Variants in PAK5 observed in about 807,000 individuals in gnomAD.
The protein encoded by PAK5 is serine/threonine-protein kinase PAK 5.
Under a neutral mutation model 65.9 loss-of-function variants are expected in PAK5, and 16 were observed. The ratio of observed to expected loss-of-function variants is 0.24; its 90% CI spans 0.16 to 0.37. The LOEUF is 0.37. Ranked by LOEUF, PAK5 falls within the 10% of genes least tolerant of loss-of-function variation. PAK5 has a pLI of 1.00. For synonymous variants in PAK5, 371 were observed against 354.9 expected (o/e 1.05, Z -0.51); for missense variants, 785 against 903.9 (o/e 0.87, Z 1.69).
chr20:9,690,750 C>CTTTCTT lies in PAK5; in HGVS notation c.-12+20535_-12+20536insAAGAAA, dbSNP rs1298213630. Among the ~76,000 whole-genome samples the CTTTCTT allele has an allele frequency of 3.7e-3, 383 of 103,970 alleles. 9 individuals carry two copies. The highest frequency in any genetic ancestry group is 0.014 in the African/African-American group (369 of 25,848). The allele number at this position is 103,970 out of a possible 152,430, so 68.2% of individuals were successfully genotyped here. ...TCAGCATTTCTTTCTTTCTTTCTTT[C>CTTTCTT]TTTTTTTTTTTTTTTTTTTTTGAGA... On this transcript the variant is annotated intron_variant, in intron 2 of 9. Coordinates refer to ENST00000353224, the MANE Select transcript of PAK5 (RefSeq NM_177990.4).
intron 1 of PAK5, among the ~76,000 whole-genome samples, chr20:9,735,892 G>A (rs2048383271): frequency 6.9e-6 from 1 of 145,622 alleles, no homozygotes; most frequent in African/African-American, 2.7e-5. Flanking sequence ...CATAGCAATA[G>A]AAACAATCTA....
intron 2 of PAK5, among the ~76,000 whole-genome samples, chr20:9,674,979 G>C (rs1031527269): frequency 2.0e-5 from 3 of 152,180 alleles, no homozygotes; most frequent in African/African-American, 2.4e-5. Flanking sequence ...ACAGCAGCTG[G>C]GGTGGCCCAA....
In PAK5 at chr20:9,539,531, A is replaced by T. The variant is rs749456245; in HGVS notation, c.2091T>A (p.His697Gln). Residue 697 changes from histidine to glutamine, a missense_variant, in exon 10 of 10, where the codon CAT (histidine) becomes CAA (glutamine). This residue lies in a region of PAK5 where 110 missense variants were observed against 107.4 expected (regional missense o/e 1.02). Transcript: ENST00000353224. ...GTGGACCTGCTAGTTTTAAGAATGG[A>T]TGTCCGAGGAGTTCCTGGGCTGTTG... is the stretch of plus-strand genomic sequence containing the variant. ...QRATAQELLG[H>Q]PFLKLAGPPS... The T allele has an allele frequency of 3.7e-6, 6 of 1,613,774 alleles. No individual in the cohort carries two copies. The African/African-American group carries it at 8.0e-5, about 22-fold the overall frequency.
chr20:9,730,806 C>A (rs988762476), intron 1 of PAK5, among the ~76,000 whole-genome samples: 5 of 152,206 alleles, frequency 3.3e-5, no homozygotes, highest in Middle Eastern at 3.2e-3. Context: ...TGCTGGTTTG[C>A]TGTGCTAACC....
chr20:9,801,974 G>A (rs926392036), intron 1 of PAK5, among the ~76,000 whole-genome samples: 3 of 152,158 alleles, frequency 2.0e-5, no homozygotes, highest in African/African-American at 7.2e-5. Flanking sequence ...GCTTTATGGT[G>A]CTGGCCACCA....
rs564630923 is a variant in PAK5 at position 9,542,684 on chromosome 20, T to C, written c.1906A>G (p.Met636Val). ...AAGTAGGGGGGCTCGCCATCAATCATTTCTATCACCATGATCCCGAGGGAC... is the reference window on the plus strand; with the variant it reads ...AAGTAGGGGGGCTCGCCATCAATCACTTCTATCACCATGATCCCGAGGGAC... ...IWSLGIMVIE[M>V]IDGEPPYFNE... Residue 636 changes from methionine to valine, a missense_variant, in exon 9 of 10, where the codon ATG (methionine) becomes GTG (valine). This residue lies in a region of PAK5 where 182 missense variants were observed against 273.0 expected (regional missense o/e 0.67). Transcript: ENST00000353224. 5.0e-6 allele frequency: 8 copies of C among 1,614,060 alleles called. 1 individual carries two copies. In the East Asian group the frequency reaches 1.3e-4, roughly 27 times the overall value.
intron 7 of PAK5, among the ~76,000 whole-genome samples, chr20:9,553,111 C>T (rs1243157793): frequency 6.6e-6 from 1 of 152,106 alleles, no homozygotes; most frequent in African/African-American, 2.4e-5. Context: ...TCTTACACGG[C>T]TACAGTACAA....
At chr20:9,582,568 C>T (rs901139001) in intron 3 of PAK5, among the ~76,000 whole-genome samples, 1 of 152,150 alleles carries the variant, frequency 6.6e-6, no homozygotes, top group Non-Finnish European at 1.5e-5. Flanking sequence ...GTTTCTTATA[C>T]ACACAGTCAC....
At chr20:9,792,425 GAGCCA>G (rs1168447010) in intron 1 of PAK5, among the ~76,000 whole-genome samples, 1 of 152,102 alleles carries the variant, frequency 6.6e-6, no homozygotes, top group Non-Finnish European at 1.5e-5. Flanking sequence ...ACAGAGCCAA[GAGCCA>G]AGTGCTTTTC....
In PAK5 at chr20:9,538,231, G is replaced by A. The variant is rs1049129813; in HGVS notation, c.*1231C>T. The A allele has an allele frequency of 4.7e-5, 11 of 233,378 alleles. No individual in the cohort carries two copies. Among genetic ancestry groups the A allele is most frequent in the Non-Finnish European group, 6.8e-5 (8 of 117,976 alleles). 14.5% of individuals were successfully genotyped at this position (233,378 alleles called of 1,614,324 possible). A position where few individuals can be genotyped will look rare whatever the true frequency, so the allele number is the denominator to read the frequency against. ...GACAGCAGCACGACTCTCCTATGTC[G>A]GAAACACATTATAACATGGGCACAA... On this transcript the variant is annotated 3_prime_UTR_variant, in exon 10 of 10. Coordinates refer to ENST00000353224, the MANE Select transcript of PAK5 (RefSeq NM_177990.4).
chr20:9,665,268 G>A (rs2047401517), intron 2 of PAK5, among the ~76,000 whole-genome samples: 1 of 151,756 alleles, frequency 6.6e-6, no homozygotes, highest in African/African-American at 2.4e-5. Context: ...TTGTGTATCA[G>A]TTATTAAAAT....
chr20:9,566,547 C>T (rs1284147145), intron 4 of PAK5, among the ~76,000 whole-genome samples, 163 bp from the exon 5 acceptor site: 1 of 151,966 alleles, frequency 6.6e-6, no homozygotes, highest in Non-Finnish European at 1.5e-5. Flanking sequence ...TAGGGAAGGG[C>T]CTTCTGTGGT....
chr20:9,643,639 C>T (rs2047096641), intron 3 of PAK5, among the ~76,000 whole-genome samples: 1 of 151,884 alleles, frequency 6.6e-6, no homozygotes, highest in East Asian at 1.9e-4. Flanking sequence ...TAAACATATA[C>T]ATGTATATGC....
rs1356237012 is a variant in PAK5 at position 9,622,815 on chromosome 20, C to T, written c.204+21310G>A. ...GCACCCCTGTCTGTGGAAAAACTGT[C>T]TTCCACAAAACCAGTCCCTGGTGCC... is the stretch of plus-strand genomic sequence containing the variant. On this transcript the variant is annotated intron_variant, in intron 3 of 9. Transcript: ENST00000353224. Among the ~76,000 whole-genome samples the T allele has an allele frequency of 4.6e-5, 7 of 152,204 alleles. No individual in the cohort carries two copies. In the East Asian group the frequency reaches 1.2e-3, roughly 25 times the overall value.
intron 2 of PAK5, among the ~76,000 whole-genome samples, chr20:9,662,744 T>TA: frequency 6.6e-6 from 1 of 152,284 alleles, no homozygotes; most frequent in Admixed American, 6.5e-5. Context: ...CTAGTTGTTA[T>TA]AACAATGGGC....
intron 1 of PAK5, among the ~76,000 whole-genome samples, chr20:9,712,153 C>T (rs1184021323): frequency 1.3e-5 from 2 of 151,964 alleles, no homozygotes; most frequent in African/African-American, 4.8e-5. Context: ...CCATTTCAAA[C>T]CATGGAAACA....
At chr20:9,644,659 G>A (rs1045529458) in intron 2 of PAK5, among the ~76,000 whole-genome samples, 1 of 152,146 alleles carries the variant, frequency 6.6e-6, no homozygotes, top group Non-Finnish European at 1.5e-5. Context: ...GGCATTGTAT[G>A]TTTCCACTTT....
chr20:9,709,805 GA>G (rs111738819), intron 2 of PAK5, among the ~76,000 whole-genome samples: 3,194 of 152,200 alleles, frequency 0.021, 114 homozygotes, highest in African/African-American at 0.073. Flanking sequence ...GCACAGACTT[GA>G]GGGTTGTCCA....
intron 3 of PAK5, among the ~76,000 whole-genome samples, chr20:9,590,574 T>C (rs2046151474): frequency 6.6e-6 from 1 of 151,242 alleles, no homozygotes; most frequent in African/African-American, 2.4e-5. Context: ...ACAGGTCTCA[T>C]CTTTGGAGGG....
Sources: allele counts gnomAD v4.1 joint callset (sites outside exome capture counted in the v4.1 genomes callset), GRCh38; gene constraint gnomAD v4.1.1; regional missense constraint gnomAD v4.1.1; transcripts MANE v1.5; gene names NCBI Gene and HGNC (gene_info 2026-07-23, HGNC 2026-07-21).